Variants in NSRP1 observed in about 807,000 individuals in gnomAD.
The protein encoded by NSRP1 is coiled-coil domain containing 55.
Under a neutral mutation model 54.7 loss-of-function variants are expected in NSRP1, and 24 were observed. The observed-to-expected ratio is 0.44, with a 90% CI of 0.32 to 0.62. The LOEUF is 0.62. NSRP1 is among the 20% of genes least tolerant of loss of function. The probability of loss-of-function intolerance (pLI) is 0.06; values close to 1 mark genes in which losing one functional copy is unlikely to be tolerated. For missense variants in NSRP1, 596 were observed against 651.2 expected (o/e 0.92, Z 0.92); for synonymous variants, 210 against 213.8 (o/e 0.98, Z 0.15).
chr17:30,143,880 A>G (rs1018009009), intron 2 of NSRP1, among the ~76,000 whole-genome samples: 2 of 152,186 alleles, frequency 1.3e-5, no homozygotes, highest in African/African-American at 4.8e-5. Context: ...TGGATAACCC[A>G]TTCTCCATGA....
At chr17:30,118,205 T>G in intron 2 of NSRP1, 32 bp downstream of exon 2, 1 of 1,557,792 alleles carries the variant, frequency 6.4e-7, no homozygotes, top group Non-Finnish European at 8.8e-7. Context: ...TCGTGCATGG[T>G]TGGAAATGTA....
chr17:30,132,097 A>G (rs566796272), intron 2 of NSRP1, among the ~76,000 whole-genome samples: 1 of 151,120 alleles, frequency 6.6e-6, no homozygotes, highest in Non-Finnish European at 1.5e-5. Context: ...AAATACAAAA[A>G]ATTAGCCGGG....
At chr17:30,164,139 C>T (rs1381234233) in intron 2 of NSRP1, among the ~76,000 whole-genome samples, 5 of 152,094 alleles carry the variant, frequency 3.3e-5, no homozygotes, top group Non-Finnish European at 1.5e-5. Context: ...CTAACTGGAA[C>T]CTACTAACTC....
At chr17:30,135,221 C>T (rs562360651) in intron 2 of NSRP1, among the ~76,000 whole-genome samples, 88 of 152,090 alleles carry the variant, frequency 5.8e-4, no homozygotes, top group African/African-American at 1.9e-3. Flanking sequence ...AGGACTCAAG[C>T]GATCCTCCCG....
chr17:30,165,228 C>G (rs1416678603), intron 2 of NSRP1, among the ~76,000 whole-genome samples: 3 of 152,128 alleles, frequency 2.0e-5, no homozygotes, highest in Non-Finnish European at 2.9e-5. Context: ...ATTGTGGTGA[C>G]TAGTACAATT....
At position 30,131,266 on chromosome 17, in the gene NSRP1, CTCTG is replaced by C. The variant is rs747367255; in HGVS notation, c.114+13097_114+13100del. ...TATATTTTCTTTAGCTCTACAGTTTCTCTGTCTTTTATTGTCCTCTCATCTGAAT... is the reference window on the plus strand; with the variant it reads ...TATATTTTCTTTAGCTCTACAGTTTCTCTTTTATTGTCCTCTCATCTGAAT... On this transcript the variant is annotated intron_variant, in intron 2 of 6. Coordinates refer to ENST00000247026, the MANE Select transcript of NSRP1 (RefSeq NM_032141.4). Among the ~76,000 whole-genome samples the C allele has an allele frequency of 5.3e-5, 8 of 152,010 alleles. No individual in the cohort carries two copies. The South Asian group carries it at 1.5e-3, about 28-fold the overall frequency.
chr17:30,122,349 T>TGTGTGTGTGTGTGTGTG (rs1481107161), intron 2 of NSRP1: 1 of 72,304 alleles, frequency 1.4e-5, no homozygotes, highest in African/African-American at 5.7e-5. Flanking sequence ...ATAACTCTGG[T>TGTGTGTGTGTGTGTGTG]TTCATATATA....
intron 2 of NSRP1, among the ~76,000 whole-genome samples, chr17:30,132,066 G>A (rs2071704940): frequency 6.6e-6 from 1 of 151,830 alleles, no homozygotes; most frequent in Non-Finnish European, 1.5e-5. Flanking sequence ...GGCTAACATG[G>A]TGAAACCCCG....
chr17:30,137,337 A>G (rs1421474020), intron 2 of NSRP1, among the ~76,000 whole-genome samples: 3 of 152,208 alleles, frequency 2.0e-5, no homozygotes, highest in East Asian at 1.9e-4. Context: ...GAGAGAGTAT[A>G]CTTCCTACCT....
intron 2 of NSRP1, among the ~76,000 whole-genome samples, chr17:30,163,825 G>A (rs1904629206): frequency 6.6e-6 from 1 of 151,826 alleles, no homozygotes. Flanking sequence ...TGGGACTACA[G>A]GCGCGCGCCA....
chr17:30,160,649 T>C (rs1414135611), intron 2 of NSRP1, among the ~76,000 whole-genome samples: 2 of 152,208 alleles, frequency 1.3e-5, no homozygotes, highest in Non-Finnish European at 2.9e-5. Flanking sequence ...TGTCTCCTTT[T>C]TCATTTCTGC....
In NSRP1 at chr17:30,149,643, A is replaced by G. The variant is rs555600315; in HGVS notation, c.115-22899A>G. ...CCCAGGAGTTCAAGACTAGCGGGGG[A>G]AACATGGTGAGACCCTGTCTCTGCA... On this transcript the variant is annotated intron_variant, in intron 2 of 6. Transcript: ENST00000247026. 6.6e-5 allele frequency among the ~76,000 whole-genome samples: 10 copies of G among 151,654 alleles called. 1 individual carries two copies. The South Asian group carries it at 2.1e-3, about 32-fold the overall frequency.
At position 30,181,797 on chromosome 17, in the gene NSRP1, A is replaced by G. The variant is rs531866988; in HGVS notation, c.617+781A>G. On this transcript the variant is annotated intron_variant, in intron 6 of 6. Coordinates refer to ENST00000247026, the MANE Select transcript of NSRP1 (RefSeq NM_032141.4). ...GCTAATCTTTGTATTTTTAGTAGAGATGGAGTTTCACCATGTTGGCCAGAC... is the reference window on the plus strand; with the variant it reads ...GCTAATCTTTGTATTTTTAGTAGAGGTGGAGTTTCACCATGTTGGCCAGAC... 2.0e-5 allele frequency among the ~76,000 whole-genome samples: 3 copies of G among 151,808 alleles called. No homozygotes were observed. In the South Asian group the frequency reaches 6.2e-4, roughly 32 times the overall value.
rs2071776379 is a variant in NSRP1 at position 30,138,924 on chromosome 17, T to TG, written c.114+20751_114+20752insG. Among the ~76,000 whole-genome samples the TG allele has an allele frequency of 2.9e-5, 4 of 138,404 alleles. No individual in the cohort carries two copies. The East Asian group carries it at 6.6e-4, about 23-fold the overall frequency. 90.8% of individuals were successfully genotyped at this position (138,404 alleles called of 152,430 possible). On this transcript the variant is annotated intron_variant, in intron 2 of 6. Transcript: ENST00000247026. Reference sequence around the variant, plus strand: ...AAGTCTTAGCGTTTTTTTTTTTTTTTTTTTTTTTTTTGAGATGGAGTCTCG... The same window carrying TG: ...AAGTCTTAGCGTTTTTTTTTTTTTTTGTTTTTTTTTTTGAGATGGAGTCTCG...
chr17:30,161,123 A>G (rs985791165), intron 2 of NSRP1, among the ~76,000 whole-genome samples: 3 of 152,206 alleles, frequency 2.0e-5, no homozygotes, highest in Non-Finnish European at 4.4e-5. Flanking sequence ...AAAGAAGTAG[A>G]TAACCCCCCC....
intron 2 of NSRP1, among the ~76,000 whole-genome samples, chr17:30,165,210 CAAGAAG>C (rs1904686393): frequency 6.6e-6 from 1 of 152,126 alleles, no homozygotes; most frequent in African/African-American, 2.4e-5. Context: ...AGGAGTAGTG[CAAGAAG>C]TATTGTGGTG....
At chr17:30,163,604 G>A (rs1034911800) in intron 2 of NSRP1, among the ~76,000 whole-genome samples, 7 of 151,332 alleles carry the variant, frequency 4.6e-5, no homozygotes, top group Non-Finnish European at 8.8e-5. Flanking sequence ...GAACAATGAA[G>A]GGAGAAAAAA....
chr17:30,128,824 A>G (rs1337234919), intron 2 of NSRP1, among the ~76,000 whole-genome samples: 1 of 152,160 alleles, frequency 6.6e-6, no homozygotes, highest in East Asian at 1.9e-4. Flanking sequence ...GAAAAAATAT[A>G]TACAAATTTG....
At chr17:30,181,613 T>G (rs1216639001) in intron 6 of NSRP1, among the ~76,000 whole-genome samples, 2 of 149,574 alleles carry the variant, frequency 1.3e-5, no homozygotes, top group African/African-American at 2.5e-5. Flanking sequence ...TTTTTTTGTT[T>G]TTTTTTTTTT....
Sources: allele counts gnomAD v4.1 joint callset (sites outside exome capture counted in the v4.1 genomes callset), GRCh38; gene constraint gnomAD v4.1.1; transcripts MANE v1.5; gene names NCBI Gene and HGNC (gene_info 2026-07-23, HGNC 2026-07-21).